Variants in KIAA1210 observed in about 807,000 individuals in gnomAD.
KIAA1210 encodes the protein acrosomal protein KIAA1210.
KIAA1210 carries 48 observed loss-of-function variants against 78.9 expected under a neutral mutation model. The ratio of observed to expected loss-of-function variants is 0.61; its 90% CI spans 0.48 to 0.77. The LOEUF (loss-of-function observed/expected upper bound fraction) is 0.77. KIAA1210 is among the 30% of genes least tolerant of loss of function. The pLI, the probability that KIAA1210 is intolerant of heterozygous loss-of-function variation, is 0.00. For missense variants in KIAA1210, 1,108 were observed against 1,100.0 expected (o/e 1.01, Z -0.10); for synonymous variants, 406 against 404.5 (o/e 1.00, Z -0.04).
At chrX:119,108,889 T>C (rs1164370708) in intron 4 of KIAA1210, among the ~76,000 whole-genome samples, 187 bp downstream of exon 4, 1 of 110,462 alleles carries the variant, frequency 9.1e-6, no homozygotes, top group African/African-American at 3.3e-5. Flanking sequence ...ATCAACACTG[T>C]GTGCCAGGTA....
At chrX:119,100,316 C>A (rs1927695824) in intron 6 of KIAA1210, among the ~76,000 whole-genome samples, 1 of 74,728 alleles carries the variant, frequency 1.3e-5, no homozygotes, top group Non-Finnish European at 2.4e-5. Context: ...GGCAACAGAG[C>A]AAGACTGTCT....
At chrX:119,098,012 C>A (rs780494333) in intron 6 of KIAA1210, among the ~76,000 whole-genome samples, 1 of 112,104 alleles carries the variant, frequency 8.9e-6, no homozygotes, top group East Asian at 2.8e-4. Context: ...AAAAGCTCTT[C>A]TTTTATTGTT....
rs567764535 is a variant in KIAA1210 at position 119,098,378 on chromosome X, G to A, written c.649-1687C>T. Among the ~76,000 whole-genome samples the A allele has an allele frequency of 1.4e-4, 16 of 111,780 alleles. No individual in the cohort carries two copies. In the South Asian group the frequency reaches 3.8e-3, roughly 26 times the overall value. ...TCAGCACTTTGGGAGGCTGAGGTAC[G>A]CAGATCAACTGAGGTCAGGAGTTTG... On this transcript the variant is annotated intron_variant, in intron 6 of 11. Transcript: ENST00000691062.
In KIAA1210 at chrX:119,144,190, A is replaced by G. The variant is rs145409350; in HGVS notation, c.410+3283T>C. On this transcript the variant is annotated intron_variant, in intron 2 of 13. Coordinates refer to the KIAA1210 transcript ENST00000402510. ...TCCCAGCCCCAAATGCCAAGCTTCA[A>G]TGCATCCTTAAAATGGTGCCTGGGC... 2.8e-3 allele frequency among the ~76,000 whole-genome samples: 319 copies of G among 112,374 alleles called. 2 individuals are homozygous for G. Among genetic ancestry groups the G allele is most frequent in the African/African-American group, 9.4e-3 (290 of 30,961 alleles).
chrX:119,113,752 T>C (rs1397033094), intron 3 of KIAA1210, among the ~76,000 whole-genome samples: 14 of 111,651 alleles, frequency 1.3e-4, no homozygotes, highest in African/African-American at 4.6e-4. Flanking sequence ...TGTATGTTTA[T>C]ATAAAAGATG....
At chrX:119,108,560 G>A in intron 4 of KIAA1210, 89 bp from the exon 5 acceptor site, 3 of 1,068,186 alleles carry the variant, frequency 2.8e-6, no homozygotes, top group Non-Finnish European at 3.7e-6. Flanking sequence ...TATTCTTATG[G>A]TGTGTTAAGA....
intron 2 of KIAA1210, among the ~76,000 whole-genome samples, chrX:119,139,996 G>A (rs186132630): frequency 9.0e-6 from 1 of 111,510 alleles, no homozygotes; most frequent in East Asian, 2.8e-4. Flanking sequence ...AACTAGACTT[G>A]AAGTCTAGGG....
At chrX:119,142,247 C>T (rs1265289958) in intron 2 of KIAA1210, among the ~76,000 whole-genome samples, 1 of 112,311 alleles carries the variant, frequency 8.9e-6, no homozygotes, top group East Asian at 2.8e-4. Context: ...CAGAGCAGTG[C>T]TCAATAAAGA....
chrX:119,146,435 C>T (rs756929330), intron 2 of KIAA1210, among the ~76,000 whole-genome samples: 1 of 111,898 alleles, frequency 8.9e-6, no homozygotes, highest in African/African-American at 3.2e-5. Flanking sequence ...CCCAAGGAAA[C>T]CAAACCTCCC....
At position 119,108,408 on chromosome X, in the gene KIAA1210, C is replaced by T; in HGVS notation, c.421G>A (p.Ala141Thr). 1 of 1,210,873 alleles carries T rather than the reference C, an allele frequency of 8.3e-7. No homozygotes were observed. The highest frequency in any genetic ancestry group is 1.8e-5 in the South Asian group (1 of 56,925). ...RSKVPGVVSGAMSGAVLQNVP... is the reference protein window; with the variant it reads ...RSKVPGVVSGTMSGAVLQNVP... The stretch of plus-strand genomic sequence containing the variant: ...TTTTGAAGCACAGCTCCTGACATGG[C>T]TCCAGACACAACTCCAGGAACCTTA... The change falls in exon 5 of 12, where the codon GCC becomes ACC. Residue 141 changes from alanine (A) to threonine (T), a missense_variant. By Grantham distance (58) the Ala-to-Thr change is moderately conservative. Around this residue, in one of 5 missense-constraint regions of KIAA1210, gnomAD observed 672 missense variants for 607.1 expected, o/e 1.11. Coordinates refer to ENST00000691062, the MANE Select transcript of KIAA1210 (RefSeq NM_001394962.1).
intron 1 of KIAA1210, among the ~76,000 whole-genome samples, chrX:119,149,158 AAAG>A (rs1462373348): frequency 2.7e-5 from 3 of 110,178 alleles, no homozygotes; most frequent in African/African-American, 9.9e-5. Context: ...GAAAAAGCTC[AAAG>A]AAGAGGACCC....
intron 6 of KIAA1210, among the ~76,000 whole-genome samples, chrX:119,098,802 A>G (rs1433449576): frequency 1.8e-5 from 2 of 111,143 alleles, no homozygotes; most frequent in Non-Finnish European, 3.8e-5. Flanking sequence ...TATAAACTCC[A>G]TGAAGAAGGG....
rs747857744 is a variant in KIAA1210 at position 119,100,278 on chromosome X, C to T, written c.649-3587G>A. On this transcript the variant is annotated intron_variant, in intron 6 of 11. Transcript: ENST00000691062. ...CCGGGAGGTGGAGGTTGCAGTGAGC[C>T]GAAATTGTGCCACCGCACTCCAGCC... 1.3e-3 allele frequency among the ~76,000 whole-genome samples: 135 copies of T among 100,608 alleles called. 2 individuals carry two copies. Among genetic ancestry groups the T allele is most frequent in the Admixed American group, 0.013 (118 of 9,075 alleles). 87.4% of individuals were successfully genotyped at this position (100,608 alleles called of 115,157 possible).
In KIAA1210 at chrX:119,116,478, C is replaced by T; in HGVS notation, c.230+18G>A. 8.3e-7 allele frequency: 1 copy of T among 1,207,094 alleles called. No homozygotes were observed. Among genetic ancestry groups the T allele is most frequent in the Middle Eastern group, 2.6e-4 (1 of 3,777 alleles). ...CTCTTCCCCTGTCCCCATCACTCTC[C>T]ACCGCATCTGAGCTCACCTGGCCTT... On this transcript the variant is annotated intron_variant, in intron 3 of 11. Coordinates refer to ENST00000691062, the MANE Select transcript of KIAA1210 (RefSeq NM_001394962.1).
At chrX:119,102,591 C>T (rs1392937735) in intron 6 of KIAA1210, among the ~76,000 whole-genome samples, 1 of 110,030 alleles carries the variant, frequency 9.1e-6, no homozygotes, top group Non-Finnish European at 1.9e-5. Context: ...TATTTGTATA[C>T]AATGCTGGGG....
rs771592822 is a variant in KIAA1210 at position 119,086,733 on chromosome X, C to A, written c.3969G>T (p.Gln1323His). 2 of 1,211,144 alleles carry A rather than the reference C, an allele frequency of 1.7e-6. No individual in the cohort carries two copies. The highest frequency in any genetic ancestry group is 2.2e-6 in the Non-Finnish European group (2 of 895,215). ...YKSEKQDNFT[Q>H]LASVPSGPIS... ...TTGGGCCCGAGGGCACTGAAGCAAG[C>A]TGGGTGAAGTTATCTTGTTTCTCAC... Residue 1323 changes from glutamine (Q) to histidine (H), a missense_variant, in exon 9 of 12, where the codon CAG (glutamine) becomes CAT (histidine). Coordinates refer to ENST00000691062, the MANE Select transcript of KIAA1210 (RefSeq NM_001394962.1).
chrX:119,103,570 A>G (rs1304251769), intron 6 of KIAA1210, among the ~76,000 whole-genome samples: 1 of 111,737 alleles, frequency 8.9e-6, no homozygotes, highest in East Asian at 2.8e-4. Flanking sequence ...TAGAGTTACC[A>G]TATGACCCAG....
intron 10 of KIAA1210, among the ~76,000 whole-genome samples, chrX:119,083,833 T>A (rs1927040089): frequency 9.3e-6 from 1 of 107,691 alleles, no homozygotes; most frequent in African/African-American, 3.4e-5. Flanking sequence ...CAAAAAATTT[T>A]AAAAATTACC....
chrX:119,096,551 A>G lies in KIAA1210; in HGVS notation c.789T>C (p.Ala263=). ...ATTQGCLDSS[A]ARHKMTLNPR... The stretch of plus-strand genomic sequence containing the variant: ...GATTTAAAGTCATTTTGTGGCGAGC[A>G]GCTGAAGAATCCAAACAGCCCTGGG... Residue 263 remains alanine, a synonymous_variant, in exon 7 of 12, where the codon GCT becomes GCC. Transcript: ENST00000691062. 4 of 1,211,592 alleles carry G rather than the reference A, an allele frequency of 3.3e-6. No homozygotes were observed. Among genetic ancestry groups the G allele is most frequent in the Non-Finnish European group, 4.5e-6 (4 of 895,317 alleles).
Sources: gnomAD v4.1 joint callset for allele counts (sites outside exome capture counted in the v4.1 genomes callset) on GRCh38, gnomAD v4.1.1 for gene constraint, gnomAD v4.1.1 regional missense constraint, MANE v1.5 for transcripts, NCBI Gene and HGNC (gene_info 2026-07-23, HGNC 2026-07-21) for gene names.